Variants in BTD observed in about 807,000 individuals in gnomAD.
BTD encodes the protein biocytinase.
Under a neutral mutation model 17.7 loss-of-function variants are expected in BTD, and 13 were observed. The observed-to-expected ratio is 0.74, with a 90% CI of 0.48 to 1.17. The LOEUF is 1.17. Among genes scored for constraint, BTD ranks in the 50% most tolerant of loss-of-function variants. BTD has a pLI of 0.00. For synonymous variants in BTD, 240 were observed against 245.2 expected, an observed-to-expected ratio of 0.98 and a Z score of 0.20; for missense variants, 674 against 650.4, an observed-to-expected ratio of 1.04 and a Z score of -0.39.
chr3:15,663,791 T>C (rs1001125626), intron 3 of BTD, among the ~76,000 whole-genome samples: 1 of 152,348 alleles, frequency 6.6e-6, no homozygotes, highest in East Asian at 1.9e-4. Flanking sequence ...TCTACTGAAA[T>C]ATTTTTTCAA....
intron 3 of BTD, chr3:15,696,255 A>G: frequency 1.3e-6 from 2 of 1,489,024 alleles, no homozygotes; most frequent in Non-Finnish European, 1.8e-6. Flanking sequence ...CCTATATACA[A>G]CAACAACAAC....
At chr3:15,613,123 C>CCTT (rs561166666) in intron 1 of BTD, among the ~76,000 whole-genome samples, 192 of 152,148 alleles carry the variant, frequency 1.3e-3, no homozygotes, top group Middle Eastern at 0.01. Context: ...ATGTGAAAGC[C>CCTT]CTTCACCTTT....
chr3:15,628,184 G>A (rs1314123085), intron 1 of BTD, among the ~76,000 whole-genome samples: 2 of 152,212 alleles, frequency 1.3e-5, no homozygotes, highest in Admixed American at 6.5e-5. Context: ...TAGTGACATT[G>A]TATCCACCAC....
intron 2 of BTD, among the ~76,000 whole-genome samples, chr3:15,639,819 TA>T (rs1464942537): frequency 6.6e-6 from 1 of 152,224 alleles, no homozygotes; most frequent in Non-Finnish European, 1.5e-5. Context: ...CTTAAAAGTT[TA>T]ATTTTTAGGC....
intron 1 of BTD, among the ~76,000 whole-genome samples, chr3:15,625,863 A>T (rs1349463698): frequency 6.6e-6 from 1 of 152,086 alleles, no homozygotes; most frequent in Non-Finnish European, 1.5e-5. Context: ...CCCAGTTTTA[A>T]TTTTTTATTT....
intron 3 of BTD, among the ~76,000 whole-genome samples, chr3:15,706,549 T>A (rs1431806499): frequency 6.6e-6 from 1 of 152,154 alleles, no homozygotes; most frequent in African/African-American, 2.4e-5. Context: ...ACAATAAACA[T>A]ACGTGTGCAT....
chr3:15,631,544 A>G (rs527680568), intron 1 of BTD: 329 of 1,408,632 alleles, frequency 2.3e-4, no homozygotes, highest in Non-Finnish European at 3.1e-4. Flanking sequence ...TTGACATATT[A>G]CCAAATTTAC....
At chr3:15,631,598 G>T in intron 1 of BTD, 1 of 1,042,224 alleles carries the variant, frequency 9.6e-7, no homozygotes, top group Non-Finnish European at 1.4e-6. Context: ...TTTCCTATTA[G>T]ATGGAAAGAA....
chr3:15,687,348 C>T (rs1448810666), intron 3 of BTD, among the ~76,000 whole-genome samples: 1 of 150,892 alleles, frequency 6.6e-6, no homozygotes, highest in South Asian at 2.1e-4. Context: ...TATATATATA[C>T]ATACAGTACA....
chr3:15,664,908 G>A (rs1305746813), intron 3 of BTD, among the ~76,000 whole-genome samples: 1 of 152,024 alleles, frequency 6.6e-6, no homozygotes, highest in African/African-American at 2.4e-5. Context: ...TATTAAGTAC[G>A]ACGCCTATTA....
intron 3 of BTD, among the ~76,000 whole-genome samples, chr3:15,675,376 A>T (rs1322945977): frequency 1.3e-5 from 2 of 152,208 alleles, no homozygotes; most frequent in Non-Finnish European, 2.9e-5. Context: ...GAAATATGGC[A>T]GTAGCTGGCA....
At chr3:15,603,896 G>T (rs925452184) in intron 1 of BTD, among the ~76,000 whole-genome samples, 2 of 152,218 alleles carry the variant, frequency 1.3e-5, no homozygotes, top group African/African-American at 4.8e-5. Flanking sequence ...AGATCATGCT[G>T]ATGCAAGAGG....
intron 3 of BTD, among the ~76,000 whole-genome samples, chr3:15,703,918 T>C (rs1226089294): frequency 6.6e-6 from 1 of 152,168 alleles, no homozygotes; most frequent in Non-Finnish European, 1.5e-5. Flanking sequence ...TAAAATAATC[T>C]ACATACACAC....
intron 1 of BTD, chr3:15,602,284 A>G: frequency 8.4e-7 from 1 of 1,193,380 alleles, no homozygotes; most frequent in Non-Finnish European, 1.0e-6. Flanking sequence ...CCATTGGGTC[A>G]CAAGCGATGA....
chr3:15,613,313 A>T (rs1220388715), intron 1 of BTD, among the ~76,000 whole-genome samples: 1 of 151,078 alleles, frequency 6.6e-6, no homozygotes, highest in Non-Finnish European at 1.5e-5. Flanking sequence ...TTTTCTGTGG[A>T]CTCCTTTTCA....
In BTD at chr3:15,645,439, C is replaced by T. The variant is rs961143913; in HGVS notation, c.1523C>T (p.Ser508Phe). The change falls in exon 4 of 4, where the codon TCT becomes TTT. Residue 508 changes from serine (S) to phenylalanine (F), a missense_variant. Coordinates refer to ENST00000643237, the MANE Select transcript of BTD (RefSeq NM_001370658.1). ...TTCCTGAGGAAAAGTAGGCTGTCCT[C>T]TGGGCTGGTGACGGCGGCTCTCTAT... The part of the protein sequence containing the change: ...HYFLRKSRLS[S>F]GLVTAALYGR... The T allele has an allele frequency of 6.2e-6, 10 of 1,613,308 alleles. No individual in the cohort carries two copies. The highest frequency in any genetic ancestry group is 8.5e-6 in the Non-Finnish European group (10 of 1,180,014).
rs1025160397 is a variant in BTD, at chr3:15,641,759, G to A, written c.250-149G>A. The A allele has an allele frequency of 5.8e-6, 4 of 684,856 alleles. No individual in the cohort carries two copies. The African/African-American group carries it at 7.0e-5, about 12-fold the overall frequency. The allele number at this position is 684,856 out of a possible 1,614,324, so 42.4% of individuals were successfully genotyped here. ...TATCCCCAAGACTAAGATCTCTGAGGAGAGTAAAGACACCATCTCTGTGCC... is the reference window on the plus strand; with the variant it reads ...TATCCCCAAGACTAAGATCTCTGAGAAGAGTAAAGACACCATCTCTGTGCC... On this transcript the variant is annotated intron_variant, in intron 2 of 3. Coordinates refer to ENST00000643237, the MANE Select transcript of BTD (RefSeq NM_001370658.1).
intron 1 of BTD, chr3:15,602,337 C>A (rs1282504732): frequency 1.9e-6 from 2 of 1,043,172 alleles, no homozygotes; most frequent in Non-Finnish European, 2.3e-6. Flanking sequence ...TTTTCTCCAG[C>A]CCTTGCTACT....
chr3:15,605,498 G>T (rs2064421376), intron 1 of BTD, among the ~76,000 whole-genome samples: 1 of 151,988 alleles, frequency 6.6e-6, no homozygotes, highest in East Asian at 1.9e-4. Context: ...CATCTCAGAG[G>T]GTGACTTCTT....
Sources: allele counts gnomAD v4.1 joint callset (sites outside exome capture counted in the v4.1 genomes callset), GRCh38; gene constraint gnomAD v4.1.1; transcripts MANE v1.5; gene names NCBI Gene and HGNC (gene_info 2026-07-23, HGNC 2026-07-21).